Variants in VMP1 observed in about 807,000 individuals in gnomAD.
VMP1 encodes ectopic P-granules autophagy protein 3 homolog.
A neutral mutation model predicts 56.0 loss-of-function variants in VMP1; 11 were observed. That is an observed-to-expected ratio of 0.20 (90% confidence interval 0.12 to 0.32). The LOEUF (loss-of-function observed/expected upper bound fraction) is 0.32. Among genes scored for constraint, VMP1 ranks in the 10% least tolerant of loss-of-function variants. The probability of loss-of-function intolerance (pLI) is 1.00; values close to 1 mark genes in which losing one functional copy is unlikely to be tolerated. For missense variants in VMP1, 296 were observed against 490.3 expected, an observed-to-expected ratio of 0.60 and a Z score of 3.74; for synonymous variants, 149 against 165.0, an observed-to-expected ratio of 0.90 and a Z score of 0.74.
chr17:59,760,920 A>G lies in VMP1; in HGVS notation c.415-4051A>G, dbSNP rs143151873. On this transcript the variant is annotated intron_variant, in intron 5 of 11. Transcript: ENST00000262291. ...AGGCGTGAGCCACCATGCCCGGCCTATATGTTTTCTTTTCTTTTCTTTTTT... is the reference window on the plus strand; with the variant it reads ...AGGCGTGAGCCACCATGCCCGGCCTGTATGTTTTCTTTTCTTTTCTTTTTT... Among the ~76,000 whole-genome samples the G allele has an allele frequency of 1.5e-4, 22 of 149,802 alleles. No individual in the cohort carries two copies. The East Asian group carries it at 4.3e-3, about 30-fold the overall frequency.
At chr17:59,791,309 C>G (rs1423432182) in intron 7 of VMP1, among the ~76,000 whole-genome samples, 2 of 151,806 alleles carry the variant, frequency 1.3e-5, no homozygotes, top group Admixed American at 1.3e-4. Context: ...CTGCCTCAGC[C>G]TCCAGAGTAG....
intron 9 of VMP1, among the ~76,000 whole-genome samples, chr17:59,812,153 GTTTT>G (rs1408951183): frequency 6.6e-6 from 1 of 151,970 alleles, no homozygotes; most frequent in African/African-American, 2.4e-5. Context: ...TGTTTGTTTT[GTTTT>G]GTTTTACCAA....
intron 7 of VMP1, among the ~76,000 whole-genome samples, chr17:59,801,415 G>GTT (rs201691308): frequency 9.8e-5 from 14 of 143,576 alleles, no homozygotes; most frequent in South Asian, 4.4e-4. Context: ...CCAGCTAATT[G>GTT]TTTTTTTTTT....
intron 7 of VMP1, among the ~76,000 whole-genome samples, chr17:59,798,948 G>A (rs550395084): frequency 1.3e-4 from 20 of 152,074 alleles, no homozygotes; most frequent in African/African-American, 4.1e-4. Context: ...TTTTCACACC[G>A]CATTTTAATT....
chr17:59,785,995 T>C (rs2036995219), intron 7 of VMP1, among the ~76,000 whole-genome samples: 2 of 152,182 alleles, frequency 1.3e-5, no homozygotes, highest in Admixed American at 1.3e-4. Context: ...CTAATTTCTA[T>C]TAAATTTAAG....
Position 59,768,225 on chromosome 17 carries a change from G to A in VMP1, c.582+3087G>A, listed in dbSNP as rs181902511. 9.2e-5 allele frequency among the ~76,000 whole-genome samples: 14 copies of A among 152,134 alleles called. No individual in the cohort carries two copies. The East Asian group carries it at 1.5e-3, about 17-fold the overall frequency. On this transcript the variant is annotated intron_variant, in intron 6 of 11. Transcript: ENST00000262291. ...TTCTTTCCTTCTTTGTAACTGTCTC[G>A]TTATATTAAAAATACAGCACACACT...
At chr17:59,785,070 G>A (rs896302577) in intron 7 of VMP1, 4 of 152,302 alleles carry the variant, frequency 2.6e-5, no homozygotes, top group South Asian at 4.1e-4. Context: ...TTTGCATGAT[G>A]TATCCTGAAA....
intron 5 of VMP1, among the ~76,000 whole-genome samples, chr17:59,753,044 G>A (rs1222419668): frequency 2.0e-5 from 3 of 152,132 alleles, no homozygotes; most frequent in Non-Finnish European, 2.9e-5. Flanking sequence ...GCCAAGGCAG[G>A]AGGATCACTT....
chr17:59,809,304 C>CTTTTT (rs57274450), intron 8 of VMP1, among the ~76,000 whole-genome samples: 11 of 33,452 alleles, frequency 3.3e-4, no homozygotes, highest in Admixed American at 5.8e-4. Context: ...GCCCATTCAA[C>CTTTTT]TTTTTTTTTT....
chr17:59,758,406 G>A (rs2035925733), intron 5 of VMP1, among the ~76,000 whole-genome samples: 1 of 152,152 alleles, frequency 6.6e-6, no homozygotes, highest in Non-Finnish European at 1.5e-5. Context: ...AACTATGTAT[G>A]TGCCAGGCAT....
intron 5 of VMP1, among the ~76,000 whole-genome samples, chr17:59,756,892 G>A (rs1049668850): frequency 6.6e-6 from 1 of 152,082 alleles, no homozygotes; most frequent in Non-Finnish European, 1.5e-5. Context: ...TTTTCTTGAT[G>A]AAACATAGAC....
intron 9 of VMP1, among the ~76,000 whole-genome samples, chr17:59,812,837 A>C (rs1262089747): frequency 6.6e-6 from 1 of 152,134 alleles, no homozygotes; most frequent in Non-Finnish European, 1.5e-5. Context: ...AGGCTGACGC[A>C]GGAGAGTCTC....
rs766615589 is a variant in VMP1 at position 59,735,475 on chromosome 17, TAA to T, written c.212+4_212+5del. On this transcript the variant is annotated splice_donor_region_variant and intron_variant, in intron 3 of 11. Coordinates refer to ENST00000262291, the MANE Select transcript of VMP1 (RefSeq NM_030938.5). ...AATCTTGAAGGAATGGACCTCAAAGTAAAGAGTCTTCTCCCACTACCTTTTAC... is the reference window on the plus strand; with the variant it reads ...AATCTTGAAGGAATGGACCTCAAAGTAGAGTCTTCTCCCACTACCTTTTAC... The T allele has an allele frequency of 5.0e-6, 8 of 1,613,976 alleles. No homozygotes were observed. The highest frequency in any genetic ancestry group is 3.3e-5 in the Admixed American group (2 of 59,986).
At chr17:59,780,452 CATGG>C (rs1248992773) in intron 7 of VMP1, among the ~76,000 whole-genome samples, 1 of 152,146 alleles carries the variant, frequency 6.6e-6, no homozygotes, top group African/African-American at 2.4e-5. Flanking sequence ...ATTAGCTGGG[CATGG>C]TAGTAGTACG....
At chr17:59,725,547 A>G (rs1377193318) in intron 1 of VMP1, among the ~76,000 whole-genome samples, 3 of 134,312 alleles carry the variant, frequency 2.2e-5, no homozygotes, top group African/African-American at 3.3e-5. Flanking sequence ...AATGGTCAAA[A>G]TGCCAAAAAA....
At chr17:59,716,788 T>C (rs974384520) in intron 1 of VMP1, among the ~76,000 whole-genome samples, 6 of 151,970 alleles carry the variant, frequency 3.9e-5, no homozygotes, top group African/African-American at 1.4e-4. Flanking sequence ...GTTGGAATTT[T>C]TTTTTACAAC....
At chr17:59,718,801 G>A (rs1227068288) in intron 1 of VMP1, among the ~76,000 whole-genome samples, 3 of 151,958 alleles carry the variant, frequency 2.0e-5, no homozygotes, top group African/African-American at 7.3e-5. Context: ...CAAAACGATA[G>A]GGTTATTACA....
At chr17:59,735,166 C>A (rs2034971807) in intron 2 of VMP1, among the ~76,000 whole-genome samples, 172 bp from the exon 3 acceptor site, 1 of 152,058 alleles carries the variant, frequency 6.6e-6, no homozygotes, top group Admixed American at 6.6e-5. Context: ...CCCTCCTCAG[C>A]CTCCCAAAGT....
intron 1 of VMP1, among the ~76,000 whole-genome samples, chr17:59,727,125 C>A (rs2034636010): frequency 6.6e-6 from 1 of 151,798 alleles, no homozygotes; most frequent in Admixed American, 6.6e-5. Flanking sequence ...GTCTGTTAGA[C>A]TTTTTGTTTT....
Sources: allele counts gnomAD v4.1 joint callset (sites outside exome capture counted in the v4.1 genomes callset), GRCh38; gene constraint gnomAD v4.1.1; transcripts MANE v1.5; gene names NCBI Gene and HGNC (gene_info 2026-07-23, HGNC 2026-07-21).